The following S1PR3 variants were observed in gnomAD, a reference collection of about 807,000 sequenced individuals.
S1PR3 encodes the protein sphingosine-1-phosphate receptor 3.
In S1PR3, 12 loss-of-function variants were observed where a neutral mutation model predicts 13.3. The observed-to-expected ratio is 0.90, with a 90% CI of 0.58 to 1.46. The LOEUF is 1.46. Among genes scored for constraint, S1PR3 ranks in the 40% most tolerant of loss-of-function variants. S1PR3 has a pLI of 0.00. For synonymous variants in S1PR3, 232 were observed against 214.0 expected (o/e 1.08, Z -0.73); for missense variants, 450 against 501.9 (o/e 0.90, Z 0.99).
rs1251671758 is a variant in S1PR3, at chr9:89,002,314, C to A, written c.1114C>A (p.Gln372Lys). The A allele has an allele frequency of 1.2e-6, 2 of 1,613,964 alleles. No homozygotes were observed. Among genetic ancestry groups the A allele is most frequent in the Non-Finnish European group, 1.7e-6 (2 of 1,179,982 alleles). ...CATCATGGACAAGAACGCAGCACTT[C>A]AGAATGGGATCTTCTGCAACTGATC... Reference protein sequence around the residue: ...SCIMDKNAALQNGIFCN With the variant: ...SCIMDKNAALKNGIFCN The change falls in exon 2 of 2, where the codon CAG (glutamine) becomes AAG (lysine). Residue 372 changes from glutamine to lysine, a missense_variant. Gln to Lys is a moderately conservative substitution (Grantham distance 53). Transcript: ENST00000358157.
intron 1 of S1PR3, chr9:88,994,664 G>C (rs1825775995): frequency 6.0e-6 from 1 of 166,450 alleles, no homozygotes; most frequent in South Asian, 2.1e-4. Flanking sequence ...GCCGGGGCCT[G>C]AGTTTCCTGG....
chr9:88,991,098 C>T, upstream of S1PR3: 1 of 1,613,290 alleles, frequency 6.2e-7, no homozygotes, highest in Non-Finnish European at 8.5e-7. The surrounding 1 kb of genome is among the most constrained non-coding windows in gnomAD (Gnocchi z 4.0). Context: ...CGCCCAAGCC[C>T]AGACCTCGGA....
Position 89,001,990 on chromosome 9 carries a change from C to T in S1PR3, c.790C>T (p.Leu264Phe), listed in dbSNP as rs1017921512. The stretch of plus-strand genomic sequence containing the variant: ...CTGGTCCCCACTCTTCATCCTCTTC[C>T]TCATTGATGTGGCCTGCAGGGTGCA... ...ACWSPLFILF[L>F]IDVACRVQAC... is the part of the protein sequence containing the mutation. Residue 264 changes from leucine (L) to phenylalanine (F), a missense_variant, in exon 2 of 2, where the codon CTC becomes TTC. Coordinates refer to ENST00000358157, the MANE Select transcript of S1PR3 (RefSeq NM_005226.4). 2 of 1,614,196 alleles carry T rather than the reference C, an allele frequency of 1.2e-6. No individual in the cohort carries two copies. The highest frequency in any genetic ancestry group is 8.5e-7 in the Non-Finnish European group (1 of 1,180,032).
chr9:89,002,223 C>G lies in S1PR3; in HGVS notation c.1023C>G (p.Ser341Arg). 6.2e-7 allele frequency: 1 copy of G among 1,614,108 alleles called. No individual in the cohort carries two copies. The highest frequency in any genetic ancestry group is 8.5e-7 in the Non-Finnish European group (1 of 1,180,036). The change falls in exon 2 of 2, where the codon AGC becomes AGG. Residue 341 changes from serine to arginine, a missense_variant. By Grantham distance (110) the Ser-to-Arg change is moderately radical (BLOSUM62 -1). Coordinates refer to ENST00000358157, the MANE Select transcript of S1PR3 (RefSeq NM_005226.4). ...ALDPSRSKSS[S>R]SNNSSHSPKV... Reference sequence around the variant, plus strand: ...ACCCAAGCAGAAGTAAATCAAGCAGCAGCAACAATAGCAGCCACTCTCCGA... The same window carrying G: ...ACCCAAGCAGAAGTAAATCAAGCAGGAGCAACAATAGCAGCCACTCTCCGA...
chr9:88,997,976 T>A (rs1825825559), intron 1 of S1PR3: 1 of 152,274 alleles, frequency 6.6e-6, no homozygotes, highest in Admixed American at 6.5e-5. Flanking sequence ...GCGGTCCCCA[T>A]CAGCACTGTG....
chr9:89,001,373 T>G lies in S1PR3; in HGVS notation c.173T>G (p.Leu58Arg). ...VICSFIVLENLMVLIAIWKNN... is the reference protein window; with the variant it reads ...VICSFIVLENRMVLIAIWKNN... ...TGCAGCTTCATCGTCTTGGAGAACC[T>G]GATGGTTTTGATTGCCATCTGGAAA... The change falls in exon 2 of 2, where the codon CTG becomes CGG. Residue 58 changes from leucine (L) to arginine (R), a missense_variant. By Grantham distance (102) the Leu-to-Arg change is moderately radical. Transcript: ENST00000358157. The G allele has an allele frequency of 1.9e-6, 3 of 1,614,212 alleles. No individual in the cohort carries two copies. Among genetic ancestry groups the G allele is most frequent in the Non-Finnish European group, 2.5e-6 (3 of 1,180,032 alleles).
upstream of S1PR3, chr9:88,991,451 C>G (rs1008159616): frequency 1.8e-5 from 28 of 1,545,554 alleles, no homozygotes; most frequent in African/African-American, 2.8e-4. The surrounding 1 kb of genome is among the most constrained non-coding windows in gnomAD (Gnocchi z 4.0). Flanking sequence ...AAAGTTTAGT[C>G]TCTGACTCGC....
rs1222817551 is a variant in S1PR3 at position 89,001,125 on chromosome 9, C to T, written c.-76C>T. The T allele has an allele frequency of 7.2e-6, 11 of 1,529,602 alleles. No individual in the cohort carries two copies. Among genetic ancestry groups the T allele is most frequent in the Middle Eastern group, 2.4e-4 (1 of 4,168 alleles). The allele number at this position is 1,529,602 out of a possible 1,614,324, so 94.8% of individuals were successfully genotyped here. On this transcript the variant is annotated 5_prime_UTR_variant, in exon 2 of 2. Coordinates refer to ENST00000358157, the MANE Select transcript of S1PR3 (RefSeq NM_005226.4). Reference sequence around the variant, plus strand: ...CTGAATGAAGCCGGAACCTCAGCCCCGCTTCCCTTTGAAATGAATGTTCCT... The same window carrying T: ...CTGAATGAAGCCGGAACCTCAGCCCTGCTTCCCTTTGAAATGAATGTTCCT...
chr9:88,995,960 G>A (rs1454998542), intron 1 of S1PR3: 2 of 167,006 alleles, frequency 1.2e-5, no homozygotes, highest in East Asian at 3.8e-4. Context: ...CTGTACTCCT[G>A]TGTCTTCCGT....
In S1PR3 at chr9:89,002,011, G is replaced by A. The variant is rs1206417707; in HGVS notation, c.811G>A (p.Val271Met). 1.2e-6 allele frequency: 2 copies of A among 1,614,126 alleles called. No individual in the cohort carries two copies. The highest frequency in any genetic ancestry group is 2.2e-5 in the South Asian group (2 of 91,086). ...ILFLIDVACR[V>M]QACPILFKAQ... ...CTTCCTCATTGATGTGGCCTGCAGG[G>A]TGCAGGCGTGCCCCATCCTCTTCAA... The change falls in exon 2 of 2, where the codon GTG becomes ATG. Residue 271 changes from valine (V) to methionine (M), a missense_variant. Val to Met is a conservative substitution (Grantham distance 21). Transcript: ENST00000358157.
intron 1 of S1PR3, chr9:88,992,707 A>C (rs1194365743): frequency 6.6e-6 from 1 of 152,418 alleles, no homozygotes; most frequent in Admixed American, 6.5e-5. Context: ...CTCTGCAGAT[A>C]CATGACTAAC....
intron 1 of S1PR3, chr9:88,998,491 CAAAACAA>C (rs1263225340): frequency 6.6e-6 from 1 of 152,418 alleles, no homozygotes; most frequent in Admixed American, 6.6e-5. Context: ...CAAAACAAAA[CAAAACAA>C]AAAACAAACA....
intron 1 of S1PR3, chr9:88,992,535 A>G (rs550822604): frequency 6.5e-6 from 1 of 152,982 alleles, no homozygotes; most frequent in East Asian, 1.9e-4. Flanking sequence ...AGACCTCCAG[A>G]ATTAGGCATC....
intron 1 of S1PR3, chr9:88,997,634 T>A (rs928296119): frequency 6.6e-6 from 1 of 152,224 alleles, no homozygotes; most frequent in Non-Finnish European, 1.5e-5. Flanking sequence ...AAAAGGGGCC[T>A]CAGGAATCAC....
In S1PR3 at chr9:89,004,808, A is replaced by G. The variant is rs1825916004; in HGVS notation, c.*2471A>G. 1.2e-5 allele frequency: 2 copies of G among 167,098 alleles called. No homozygotes were observed. 10.4% of individuals were successfully genotyped at this position (167,098 alleles called of 1,614,324 possible). ...TCACCTTTGATACCAATGTGCACCA[A>G]TATGCCTAACTAGCTAGCCAGCTGG... On this transcript the variant is annotated 3_prime_UTR_variant, in exon 2 of 2. Coordinates refer to ENST00000358157, the MANE Select transcript of S1PR3 (RefSeq NM_005226.4).
In S1PR3 at chr9:89,001,652, G is replaced by A; in HGVS notation, c.452G>A (p.Arg151Lys). The change falls in exon 2 of 2, where the codon AGG becomes AAG. Residue 151 changes from arginine (R) to lysine (K), a missense_variant. Coordinates refer to ENST00000358157, the MANE Select transcript of S1PR3 (RefSeq NM_005226.4). ...ATGAGGCCTTACGACGCCAACAAGA[G>A]GCACCGCGTCTTCCTCCTGATCGGG... ...IKMRPYDANK[R>K]HRVFLLIGMC... 6.2e-7 allele frequency: 1 copy of A among 1,614,208 alleles called. No individual in the cohort carries two copies.
chr9:88,991,405 G>A, upstream of S1PR3: 1 of 1,502,350 alleles, frequency 6.7e-7, no homozygotes, highest in South Asian at 1.2e-5. The surrounding 1 kb of genome is among the most constrained non-coding windows in gnomAD (Gnocchi z 4.0). Context: ...CGAGGGGAGG[G>A]GCGGAGCGCG....
chr9:88,996,294 C>T (rs991689954), intron 1 of S1PR3, among the ~76,000 whole-genome samples: 5 of 152,128 alleles, frequency 3.3e-5, no homozygotes, highest in Admixed American at 1.3e-4. Flanking sequence ...AAATCAACAT[C>T]GACCTGCGAA....
Position 89,001,221 on chromosome 9 carries a change from G to C in S1PR3, c.21G>C (p.Pro7=). 2 of 1,612,766 alleles carry C rather than the reference G, an allele frequency of 1.2e-6. No homozygotes were observed. The highest frequency in any genetic ancestry group is 1.7e-6 in the Non-Finnish European group (2 of 1,178,950). MATALP[P]RLQPVRGNET... Reference sequence around the variant, plus strand: ...AAGTGATGGCAACTGCCCTCCCGCCGCGTCTCCAGCCGGTGCGGGGGAACG... The same window carrying C: ...AAGTGATGGCAACTGCCCTCCCGCCCCGTCTCCAGCCGGTGCGGGGGAACG... Residue 7 remains proline (P), a synonymous_variant, in exon 2 of 2, where the codon CCG becomes CCC. Transcript: ENST00000358157.
Sources: allele counts gnomAD v4.1 joint callset (sites outside exome capture counted in the v4.1 genomes callset), GRCh38; gene constraint gnomAD v4.1.1; non-coding constraint Gnocchi (gnomAD v3.1); transcripts MANE v1.5; gene names NCBI Gene and HGNC (gene_info 2026-07-23, HGNC 2026-07-21).